The following NKAIN3 variants were observed in gnomAD, a reference collection of about 807,000 sequenced individuals.
NKAIN3 encodes the protein sodium/potassium-transporting ATPase subunit beta-1-interacting protein 3.
A neutral mutation model predicts 30.2 loss-of-function variants in NKAIN3; 25 were observed. The ratio of observed to expected loss-of-function variants is 0.83; its 90% CI spans 0.60 to 1.16. NKAIN3 has a LOEUF of 1.16. Ranked by LOEUF, NKAIN3 falls within the 50% of genes most tolerant of loss-of-function variation. NKAIN3 has a pLI of 0.00. For missense variants in NKAIN3, 225 were observed against 254.1 expected (o/e 0.89, Z 0.78); for synonymous variants, 91 against 89.6 (o/e 1.02, Z -0.09).
rs183998580 is a variant in NKAIN3 at position 62,869,888 on chromosome 8, C to T, written c.472-48565C>T. 4.7e-4 allele frequency among the ~76,000 whole-genome samples: 71 copies of T among 152,206 alleles called. No individual in the cohort carries two copies. The East Asian group carries it at 0.012, about 26-fold the overall frequency. Reference sequence around the variant, plus strand: ...GTTCACGCCATTCTCCTGCCTCAGCCCCCCCGAAGTGGCTGGGACTACAGG... The same window carrying T: ...GTTCACGCCATTCTCCTGCCTCAGCTCCCCCGAAGTGGCTGGGACTACAGG... On this transcript the variant is annotated intron_variant, in intron 4 of 6. Coordinates refer to ENST00000623646, the MANE Select transcript of NKAIN3 (RefSeq NM_001304533.3).
At chr8:62,558,001 G>GT (rs1809461038) in intron 1 of NKAIN3, among the ~76,000 whole-genome samples, 1 of 152,046 alleles carries the variant, frequency 6.6e-6, no homozygotes, top group African/African-American at 2.4e-5. Context: ...GTCTAGAAGT[G>GT]TTTTTCCAAT....
chr8:62,544,441 A>G (rs1016543353), intron 1 of NKAIN3, among the ~76,000 whole-genome samples: 8 of 152,210 alleles, frequency 5.3e-5, no homozygotes, highest in African/African-American at 1.4e-4. Context: ...ACACAACTAT[A>G]TAAGACATTT....
intron 3 of NKAIN3, among the ~76,000 whole-genome samples, chr8:62,739,581 T>C (rs189874599): frequency 6.6e-6 from 1 of 152,158 alleles, no homozygotes; most frequent in Non-Finnish European, 1.5e-5. Flanking sequence ...AATCCATGCA[T>C]AGGTTTTTTT....
At chr8:62,520,951 T>C (rs1278698900) in intron 1 of NKAIN3, among the ~76,000 whole-genome samples, 1 of 151,324 alleles carries the variant, frequency 6.6e-6, no homozygotes, top group Non-Finnish European at 1.5e-5. Flanking sequence ...CTTCTGCTTG[T>C]ATGGAAAGAG....
intron 1 of NKAIN3, among the ~76,000 whole-genome samples, chr8:62,366,427 A>G (rs182316480): frequency 2.5e-3 from 387 of 152,112 alleles, no homozygotes; most frequent in African/African-American, 8.4e-3. Flanking sequence ...GGGTTTCACT[A>G]TGTTGGCCGA....
At chr8:62,916,708 G>A (rs562318806) in intron 4 of NKAIN3, among the ~76,000 whole-genome samples, 1 of 152,160 alleles carries the variant, frequency 6.6e-6, no homozygotes, top group Non-Finnish European at 1.5e-5. Context: ...GATTTGCAGA[G>A]AGGAAGGAAC....
chr8:62,370,191 C>T (rs1336050319), intron 1 of NKAIN3, among the ~76,000 whole-genome samples: 1 of 151,928 alleles, frequency 6.6e-6, no homozygotes, highest in East Asian at 1.9e-4. Flanking sequence ...CTGTATCTGT[C>T]ACACAAGGTC....
At chr8:62,747,167 C>A in intron 4 of NKAIN3, 38 bp downstream of exon 4, 1 of 1,393,424 alleles carries the variant, frequency 7.2e-7, no homozygotes, top group South Asian at 1.3e-5. Flanking sequence ...AATCAGAACT[C>A]TTCTTTGCTG....
At chr8:62,638,020 G>T (rs1334682959) in intron 3 of NKAIN3, among the ~76,000 whole-genome samples, 4 of 152,092 alleles carry the variant, frequency 2.6e-5, no homozygotes, top group Admixed American at 6.6e-5. Context: ...TAAAGCTGTG[G>T]AACAGCTCAC....
At chr8:62,790,757 A>G (rs1817682250) in intron 4 of NKAIN3, among the ~76,000 whole-genome samples, 1 of 152,100 alleles carries the variant, frequency 6.6e-6, no homozygotes, top group East Asian at 1.9e-4. Flanking sequence ...ATTGAGAAAG[A>G]CATGCTTTGG....
intron 3 of NKAIN3, among the ~76,000 whole-genome samples, chr8:62,739,279 T>TAC (rs1408763626): frequency 6.6e-6 from 1 of 151,792 alleles, no homozygotes; most frequent in Non-Finnish European, 1.5e-5. Flanking sequence ...AAAAAAAAAA[T>TAC]ATATATATAC....
intron 1 of NKAIN3, among the ~76,000 whole-genome samples, chr8:62,563,526 T>A (rs1481003051): frequency 6.6e-6 from 1 of 152,142 alleles, no homozygotes; most frequent in Non-Finnish European, 1.5e-5. Context: ...ACCCTTCCCT[T>A]GGCAAGAACC....
chr8:62,668,984 A>G (rs922591646), intron 3 of NKAIN3, among the ~76,000 whole-genome samples: 3 of 152,174 alleles, frequency 2.0e-5, no homozygotes, highest in Non-Finnish European at 2.9e-5. Context: ...TCCTAGACTA[A>G]CCATTTTCTG....
chr8:62,363,535 A>G (rs914710534), intron 1 of NKAIN3, among the ~76,000 whole-genome samples: 5 of 152,192 alleles, frequency 3.3e-5, no homozygotes, highest in African/African-American at 1.2e-4. Context: ...CTGTCTCATC[A>G]AATGAGTGTG....
chr8:62,532,451 T>G (rs1445560327), intron 1 of NKAIN3, among the ~76,000 whole-genome samples: 1 of 151,942 alleles, frequency 6.6e-6, no homozygotes, highest in African/African-American at 2.4e-5. Flanking sequence ...CTTTGTTAAC[T>G]ACAGCATAAT....
intron 3 of NKAIN3, among the ~76,000 whole-genome samples, chr8:62,648,969 G>A (rs1812550150): frequency 6.6e-6 from 1 of 152,138 alleles, no homozygotes; most frequent in African/African-American, 2.4e-5. Context: ...AGTGATGTAA[G>A]CCTCAATGGA....
intron 1 of NKAIN3, among the ~76,000 whole-genome samples, chr8:62,502,868 G>A (rs1271415330): frequency 6.6e-6 from 1 of 152,190 alleles, no homozygotes; most frequent in East Asian, 1.9e-4. Context: ...ATGGACCAGG[G>A]TTAGATCTCT....
chr8:62,454,773 G>A (rs545711430), intron 1 of NKAIN3, among the ~76,000 whole-genome samples: 26 of 152,018 alleles, frequency 1.7e-4, no homozygotes, highest in African/African-American at 6.3e-4. Context: ...ACACCAAAAG[G>A]GAAAAATAGT....
chr8:62,426,665 G>T (rs1047882524), intron 1 of NKAIN3, among the ~76,000 whole-genome samples: 2 of 151,946 alleles, frequency 1.3e-5, no homozygotes, highest in African/African-American at 4.8e-5. Context: ...GTATAATTGG[G>T]TGGAGCCTAT....
Sources: gnomAD v4.1 joint callset for allele counts (sites outside exome capture counted in the v4.1 genomes callset) on GRCh38, gnomAD v4.1.1 for gene constraint, MANE v1.5 for transcripts, NCBI Gene and HGNC (gene_info 2026-07-23, HGNC 2026-07-21) for gene names.